Variants in TP53BP2 observed in about 807,000 individuals in gnomAD.
TP53BP2 encodes the protein apoptosis-stimulating of p53 protein 2.
A neutral mutation model predicts 126.2 loss-of-function variants in TP53BP2; 62 were observed. That is an observed-to-expected ratio of 0.49 (90% confidence interval 0.40 to 0.61). The LOEUF (loss-of-function observed/expected upper bound fraction) is 0.61. Ranked by LOEUF, TP53BP2 falls within the 20% of genes least tolerant of loss-of-function variation. The probability of loss-of-function intolerance (pLI) is 0.00; values close to 1 mark genes in which losing one functional copy is unlikely to be tolerated. For synonymous variants in TP53BP2, 485 were observed against 502.9 expected (o/e 0.96, Z 0.48); for missense variants, 1,215 against 1,402.8 (o/e 0.87, Z 2.14).
At position 223,798,393 on chromosome 1, in the gene TP53BP2, G is replaced by A. The variant is rs187464771; in HGVS notation, c.1770C>T (p.Pro590=). 1 of 1,614,160 alleles carries A rather than the reference G, an allele frequency of 6.2e-7. No individual in the cohort carries two copies. Among genetic ancestry groups the A allele is most frequent in the South Asian group, 1.1e-5 (1 of 91,078 alleles). The change falls in exon 12 of 18, where the codon CCC becomes CCT. Residue 590 remains proline (P), a synonymous_variant. Transcript: ENST00000343537. ...QESPPAAAVR[P]FTPQPSKDTL... is the part of the protein sequence containing the mutation. ...TGTCTTTGGAAGGCTGGGGAGTAAA[G>A]GGCCGGACGGCAGCAGCAGGTGGAC...
chr1:223,837,545 T>G (rs1030106719), intron 1 of TP53BP2, among the ~76,000 whole-genome samples: 11 of 152,132 alleles, frequency 7.2e-5, no homozygotes, highest in African/African-American at 2.7e-4. Context: ...AACAATTTAT[T>G]AGAGCAAGTG....
At chr1:223,803,099 G>C in intron 7 of TP53BP2, 172 bp downstream of exon 7, 1 of 943,246 alleles carries the variant, frequency 1.1e-6, no homozygotes, top group Non-Finnish European at 1.6e-6. Flanking sequence ...CAAATTTCCT[G>C]TCTAGGGTAC....
intron 17 of TP53BP2, 106 bp from the exon 18 acceptor site, chr1:223,781,000 T>C: frequency 3.6e-6 from 4 of 1,098,346 alleles, no homozygotes; most frequent in Non-Finnish European, 5.3e-6. Flanking sequence ...GGGAAGGAAA[T>C]CAAAGTGAGA....
chr1:223,790,239 A>T (rs1025450009), intron 15 of TP53BP2, among the ~76,000 whole-genome samples: 1 of 151,538 alleles, frequency 6.6e-6, no homozygotes, highest in African/African-American at 2.4e-5. Flanking sequence ...GTGACACAGC[A>T]AGACTCTGTC....
intron 1 of TP53BP2, among the ~76,000 whole-genome samples, chr1:223,842,084 C>T (rs1021702015): frequency 6.6e-6 from 1 of 152,002 alleles, no homozygotes; most frequent in African/African-American, 2.4e-5. Context: ...GGATTACAGG[C>T]ACACGCCACC....
At chr1:223,795,734 G>T in intron 13 of TP53BP2, 81 bp downstream of exon 13, 2 of 1,300,422 alleles carry the variant, frequency 1.5e-6, no homozygotes, top group South Asian at 2.2e-5. Context: ...ATGCAAACTG[G>T]AGAAGATGAA....
At position 223,798,231 on chromosome 1, in the gene TP53BP2, C is replaced by A. The variant is rs376224721; in HGVS notation, c.1932G>T (p.Gly644=). 1.2e-6 allele frequency: 2 copies of A among 1,612,970 alleles called. No homozygotes were observed. Among genetic ancestry groups the A allele is most frequent in the African/African-American group, 2.7e-5 (2 of 74,818 alleles). Residue 644 remains glycine (G), a synonymous_variant, in exon 12 of 18, where the codon GGG becomes GGT. Transcript: ENST00000343537. Reference sequence around the variant, plus strand: ...GAACCTTACCACTTGAAAAGTGTGGCCCTCTGGTATGAGTCTTGGTCAACG... The same window carrying A: ...GAACCTTACCACTTGAAAAGTGTGGACCTCTGGTATGAGTCTTGGTCAACG... ...QSALTKTHTR[G]PHFSSVYGKP... is the part of the protein sequence containing the mutation.
chr1:223,808,434 G>C (rs1212795693), intron 4 of TP53BP2, among the ~76,000 whole-genome samples: 1 of 151,834 alleles, frequency 6.6e-6, no homozygotes, highest in Admixed American at 6.6e-5. Context: ...CCAGCTACTC[G>C]GGAAGCTGAG....
At chr1:223,815,943 G>A (rs1232260624) in intron 2 of TP53BP2, among the ~76,000 whole-genome samples, 2 of 152,162 alleles carry the variant, frequency 1.3e-5, no homozygotes, top group South Asian at 2.1e-4. Flanking sequence ...CTAGATTTGT[G>A]TAAGTACGCT....
Position 223,793,297 on chromosome 1 carries a change from T to C in TP53BP2, c.2862+6A>G, listed in dbSNP as rs768763890. The C allele has an allele frequency of 1.1e-5, 17 of 1,578,648 alleles. No individual in the cohort carries two copies. Among genetic ancestry groups the C allele is most frequent in the Non-Finnish European group, 1.5e-5 (17 of 1,166,854 alleles). On this transcript the variant is annotated splice_donor_region_variant and intron_variant, in intron 14 of 17. Coordinates refer to ENST00000343537, the MANE Select transcript of TP53BP2 (RefSeq NM_001031685.3). ...AAAAAAAAAAATTTACTAATTATAA[T>C]CATACCTCATAAATAATTCTCTGTA...
At chr1:223,819,684 TC>T (rs1663233032) in intron 2 of TP53BP2, among the ~76,000 whole-genome samples, 1 of 116,880 alleles carries the variant, frequency 8.6e-6, no homozygotes, top group African/African-American at 4.7e-5. Flanking sequence ...AGACTCCATC[TC>T]AAAAAAAGAA....
chr1:223,822,045 T>C (rs997980748), intron 1 of TP53BP2, among the ~76,000 whole-genome samples: 2 of 151,760 alleles, frequency 1.3e-5, no homozygotes, highest in African/African-American at 4.8e-5. Flanking sequence ...GCGCATGCCA[T>C]ATCACACCAC....
rs183044212 is a variant in TP53BP2, at chr1:223,829,592, A to G, written c.28-8225T>C. ...CTCCTTTCCCATAAGGAACCAAGCA[A>G]AATGGGGTTCCCTAGAGTTAAAGCC... is the stretch of plus-strand genomic sequence containing the variant. On this transcript the variant is annotated intron_variant, in intron 1 of 17. Transcript: ENST00000343537. 1.1e-3 allele frequency among the ~76,000 whole-genome samples: 169 copies of G among 152,344 alleles called. 1 individual carries two copies. The highest frequency in any genetic ancestry group is 3.8e-3 in the African/African-American group (160 of 41,586).
Position 223,800,016 on chromosome 1 carries a change from T to C in TP53BP2, c.1368A>G (p.Lys456=), listed in dbSNP as rs1246473579. ...TTGAGAACGGACGCACTTTCTTCTC[T>C]TTCTCCCTCAGCGGAACCTCTCCAT... ...VDDGEVPLRE[K]EKKVRPFSMF... The change falls in exon 11 of 18, where the codon AAA becomes AAG. Residue 456 remains lysine, a synonymous_variant. Coordinates refer to ENST00000343537, the MANE Select transcript of TP53BP2 (RefSeq NM_001031685.3). 2 of 1,611,714 alleles carry C rather than the reference T, an allele frequency of 1.2e-6. No individual in the cohort carries two copies. The highest frequency in any genetic ancestry group is 1.1e-5 in the South Asian group (1 of 90,572).
chr1:223,804,212 C>G lies in TP53BP2; in HGVS notation c.611G>C (p.Gly204Ala). 6.2e-7 allele frequency: 1 copy of G among 1,614,014 alleles called. No homozygotes were observed. The highest frequency in any genetic ancestry group is 8.5e-7 in the Non-Finnish European group (1 of 1,179,992). The change falls in exon 6 of 18, where the codon GGC becomes GCC. Residue 204 changes from glycine to alanine, a missense_variant. Coordinates refer to ENST00000343537, the MANE Select transcript of TP53BP2 (RefSeq NM_001031685.3). ...GCTTAGTCTCTTCTGTTCCACGTGGCCTTTAAGTGCTCTCACTTTTTTTAG... is the reference window on the plus strand; with the variant it reads ...GCTTAGTCTCTTCTGTTCCACGTGGGCTTTAAGTGCTCTCACTTTTTTTAG... ...AKLKKVRALKGHVEQKRLSNG... is the reference protein window; with the variant it reads ...AKLKKVRALKAHVEQKRLSNG...
In TP53BP2 at chr1:223,803,323, T is replaced by C. The variant is rs565984206; in HGVS notation, c.779A>G (p.His260Arg). ...MLKNGRIDSH[H>R]DNQSAVAELD... ...CTCAGCCACTGCAGACTGATTGTCA[T>C]GGTGGCTGTCGATCCTGCCGTTCTT... Residue 260 changes from histidine (H) to arginine (R), a missense_variant, in exon 7 of 18, where the codon CAT becomes CGT. By Grantham distance (29) the His-to-Arg change is conservative (BLOSUM62 0). Transcript: ENST00000343537. The C allele has an allele frequency of 3.3e-5, 53 of 1,613,658 alleles. No individual in the cohort carries two copies. Among genetic ancestry groups the C allele is most frequent in the East Asian group, 4.5e-5 (2 of 44,888 alleles).
chr1:223,791,652 C>A (rs1457823819), intron 15 of TP53BP2, among the ~76,000 whole-genome samples: 1 of 152,102 alleles, frequency 6.6e-6, no homozygotes, highest in Non-Finnish European at 1.5e-5. Flanking sequence ...ATGAGAAAAA[C>A]AAGTTGTGAA....
chr1:223,801,810 T>C (rs1173673727), intron 9 of TP53BP2: 2 of 220,624 alleles, frequency 9.1e-6, no homozygotes, highest in African/African-American at 4.7e-5. Flanking sequence ...CTCAAGTTAT[T>C]AATATCAAAA....
chr1:223,790,573 G>C (rs967100586), intron 15 of TP53BP2, among the ~76,000 whole-genome samples: 15 of 147,372 alleles, frequency 1.0e-4, no homozygotes, highest in Admixed American at 1.0e-3. Flanking sequence ...AACAAAAAAA[G>C]AAAAAAAATT....
Sources: gnomAD v4.1 joint callset for allele counts (sites outside exome capture counted in the v4.1 genomes callset) on GRCh38, gnomAD v4.1.1 for gene constraint, MANE v1.5 for transcripts, NCBI Gene and HGNC (gene_info 2026-07-23, HGNC 2026-07-21) for gene names.